The following CROCC variants were observed in gnomAD, a reference collection of about 807,000 sequenced individuals.
CROCC encodes rootletin.
CROCC carries 180 observed loss-of-function variants against 245.2 expected under a neutral mutation model. That is an observed-to-expected ratio of 0.73 (90% CI 0.65 to 0.83). The LOEUF (loss-of-function observed/expected upper bound fraction) is 0.83, where lower values mean the gene tolerates loss of function less well. Ranked by LOEUF, CROCC falls within the 40% of genes least tolerant of loss-of-function variation. The pLI is 0.00. For missense variants in CROCC, 2,688 were observed against 2,779.4 expected, an observed-to-expected ratio of 0.97 and a Z score of 0.74; for synonymous variants, 1,205 against 1,241.6, an observed-to-expected ratio of 0.97 and a Z score of 0.62.
intron 8 of CROCC, among the ~76,000 whole-genome samples, chr1:16,936,181 T>C (rs1399236792): frequency 1.3e-5 from 2 of 152,264 alleles, no homozygotes; most frequent in Admixed American, 6.5e-5. Context: ...CTCAAACTCC[T>C]GGGCTCAAGC....
intron 19 of CROCC, among the ~76,000 whole-genome samples, chr1:16,949,656 T>C (rs199970930): frequency 6.6e-6 from 1 of 152,196 alleles, no homozygotes; most frequent in Non-Finnish European, 1.5e-5. Flanking sequence ...ATCTGTTAAA[T>C]GGGGATGAGG....
chr1:16,968,114 C>T (rs2076448475), intron 30 of CROCC, 89 bp from the exon 31 acceptor site: 1 of 1,364,964 alleles, frequency 7.3e-7, no homozygotes. Context: ...GAGGCTGCTC[C>T]CCACTTTCCC....
chr1:16,933,757 G>T (rs1047692396), intron 8 of CROCC, among the ~76,000 whole-genome samples: 1 of 152,360 alleles, frequency 6.6e-6, no homozygotes, highest in East Asian at 1.9e-4. Context: ...GTAGAGATGG[G>T]GGCTTCACCA....
At chr1:16,967,378 G>A (rs2076436076) in intron 30 of CROCC, among the ~76,000 whole-genome samples, 1 of 152,178 alleles carries the variant, frequency 6.6e-6, no homozygotes, top group South Asian at 2.1e-4. Flanking sequence ...CTCTATTACT[G>A]CTTCCCCCCA....
chr1:16,955,392 C>T lies in CROCC; in HGVS notation c.3546C>T (p.Arg1182=). 1 of 1,605,274 alleles carries T rather than the reference C, an allele frequency of 6.2e-7. No individual in the cohort carries two copies. The highest frequency in any genetic ancestry group is 8.5e-7 in the Non-Finnish European group (1 of 1,179,128). Residue 1182 remains arginine (R), a synonymous_variant, in exon 24 of 37, where the codon CGC becomes CGT. Transcript: ENST00000375541. The part of the protein sequence containing the change: ...GLRRELLEAQ[R]KLRESQEGRE... ...GGCGGGAGCTGCTGGAGGCCCAGCG[C>T]AAGCTGCGTGAGAGCCAGGAGGGCC...
At chr1:16,956,997 C>T (rs777931533) in intron 25 of CROCC, among the ~76,000 whole-genome samples, 1 of 152,186 alleles carries the variant, frequency 6.6e-6, no homozygotes, top group South Asian at 2.1e-4. Context: ...CCAGGCCAGG[C>T]GCAGTGGCTC....
rs372353400 is a variant in CROCC at position 16,971,630 on chromosome 1, C to T, written c.5950C>T (p.Arg1984Cys). The change falls in exon 36 of 37, where the codon CGT (arginine) becomes TGT (cysteine). Residue 1984 changes from arginine (R) to cysteine (C), a missense_variant. Around this residue, in one of 9 missense-constraint regions of CROCC, gnomAD observed 1,218 missense variants for 1,286.3 expected, o/e 0.95. Coordinates refer to ENST00000375541, the MANE Select transcript of CROCC (RefSeq NM_014675.5). ...ARERAHRQRV[R>C]GLEEQVSTLK... ...GGAGCGGGCCCACCGCCAGAGGGTGCGTGGGCTGGAGGAGCAGGTGTGCAG... is the reference window on the plus strand; with the variant it reads ...GGAGCGGGCCCACCGCCAGAGGGTGTGTGGGCTGGAGGAGCAGGTGTGCAG... 14 of 1,502,208 alleles carry T rather than the reference C, an allele frequency of 9.3e-6. No individual in the cohort carries two copies. Among genetic ancestry groups the T allele is most frequent in the Admixed American group, 2.1e-5 (1 of 48,242 alleles). The allele number at this position is 1,502,208 out of a possible 1,614,324, so 93.1% of individuals were successfully genotyped here.
intron 8 of CROCC, among the ~76,000 whole-genome samples, chr1:16,933,912 G>C (rs1441821822): frequency 6.6e-6 from 1 of 152,280 alleles, no homozygotes; most frequent in Non-Finnish European, 1.5e-5. Context: ...AACTGGGCTA[G>C]TTGTCCTTGG....
At chr1:16,943,316 T>G (rs1302930819) in intron 13 of CROCC, among the ~76,000 whole-genome samples, 1 of 152,064 alleles carries the variant, frequency 6.6e-6, no homozygotes, top group Non-Finnish European at 1.5e-5. Flanking sequence ...GGCGGGCAGG[T>G]CATGAGGTCA....
Position 16,939,962 on chromosome 1 carries a change from CGA to C in CROCC, c.1681_1682del (p.Ser561ArgfsTer101). 6.2e-7 allele frequency: 1 copy of C among 1,612,748 alleles called. No homozygotes were observed. Among genetic ancestry groups the C allele is most frequent in the East Asian group, 2.2e-5 (1 of 44,892 alleles). On this transcript the variant is annotated frameshift_variant, in exon 13 of 37. Transcript: ENST00000375541. LOFTEE classifies it high-confidence loss of function. ...CCCTGCGGAAGCAGCTTAGCGACAG[CGA>C]GAGCGAGCGGCGGGCCCTAGAGGAA... ...GTLRKQLSDS[E>X]SERRALEEQL...
chr1:16,936,918 A>C, intron 9 of CROCC, 45 bp downstream of exon 9: 1 of 1,557,292 alleles, frequency 6.4e-7, no homozygotes, highest in Non-Finnish European at 8.8e-7. Flanking sequence ...TCCCTGCAGA[A>C]GGTAAAACTG....
At chr1:16,948,199 C>T (rs1327311203) in intron 17 of CROCC, 132 bp from the exon 18 acceptor site, 11 of 1,408,062 alleles carry the variant, frequency 7.8e-6, no homozygotes, top group African/African-American at 1.4e-5. Flanking sequence ...GTACATGTAG[C>T]ACATCAGGGC....
intron 3 of CROCC, among the ~76,000 whole-genome samples, chr1:16,928,305 C>A (rs1414700201): frequency 3.3e-5 from 5 of 152,260 alleles, no homozygotes; most frequent in African/African-American, 1.2e-4. Context: ...CACCTCCCTT[C>A]CCCCAACAGC....
At chr1:16,922,193 G>A in intron 1 of CROCC, 115 bp downstream of exon 1, 1 of 1,146,428 alleles carries the variant, frequency 8.7e-7, no homozygotes, top group Non-Finnish European at 1.2e-6. Flanking sequence ...TGTGGTGGTG[G>A]TGGGGTATAC....
chr1:16,955,334 T>A lies in CROCC; in HGVS notation c.3488T>A (p.Leu1163Gln), dbSNP rs1290421413. 1 of 1,608,284 alleles carries A rather than the reference T, an allele frequency of 6.2e-7. No homozygotes were observed. The highest frequency in any genetic ancestry group is 1.7e-5 in the Admixed American group (1 of 59,992). Residue 1163 changes from leucine (L) to glutamine (Q), a missense_variant, in exon 24 of 37, where the codon CTG (leucine) becomes CAG (glutamine). By Grantham distance (113) the Leu-to-Gln change is moderately radical (BLOSUM62 -2). This residue lies in a region of CROCC where 1,218 missense variants were observed against 1,286.3 expected (regional missense o/e 0.95). Transcript: ENST00000375541. Reference protein sequence around the residue: ...LREAEELRTQLRLLEDARDGL... With the variant: ...LREAEELRTQQRLLEDARDGL... ...CAGGCAGAAGAGCTTCGGACCCAGC[T>A]GCGTCTGCTGGAGGATGCCCGTGAC...
At chr1:16,925,792 G>A (rs1455846171) in intron 3 of CROCC, among the ~76,000 whole-genome samples, 1 of 152,282 alleles carries the variant, frequency 6.6e-6, no homozygotes, top group African/African-American at 2.4e-5. Context: ...GAGCAGAGTA[G>A]GCGGCCCGCA....
Position 16,946,946 on chromosome 1 carries a change from C to A in CROCC, c.2469C>A (p.Pro823=). ...QAQEALEQQL[P]TLRHERSQLQ... ...AGGAGGCATTGGAGCAGCAGCTCCC[C>A]ACGCTGCGCCATGAGCGCAGCCAGC... The change falls in exon 17 of 37, where the codon CCC becomes CCA. Residue 823 remains proline (P), a synonymous_variant. Coordinates refer to ENST00000375541, the MANE Select transcript of CROCC (RefSeq NM_014675.5). 3 of 1,559,966 alleles carry A rather than the reference C, an allele frequency of 1.9e-6. No homozygotes were observed. The South Asian group carries it at 3.5e-5, about 18-fold the overall frequency.
chr1:16,954,502 C>T lies in CROCC; in HGVS notation c.3321+145C>T, dbSNP rs2100501443. The T allele has an allele frequency of 7.9e-7, 1 of 1,269,276 alleles. No homozygotes were observed. Among genetic ancestry groups the T allele is most frequent in the Non-Finnish European group, 1.1e-6 (1 of 935,586 alleles). 78.6% of individuals were successfully genotyped at this position (1,269,276 alleles called of 1,614,324 possible). ...AGGTTTAGCCCTTCTTTTGGGAGCC[C>T]CCATCTGAGGGAGGTGGCTCAGCCC... On this transcript the variant is annotated intron_variant, in intron 22 of 36. Transcript: ENST00000375541. This position sits in a 1 kb window ranked among gnomAD's most constrained non-coding sequence, Gnocchi z 4.4.
chr1:16,922,860 C>T, intron 2 of CROCC, 62 bp downstream of exon 2: 1 of 1,567,054 alleles, frequency 6.4e-7, no homozygotes. Flanking sequence ...TCTCATGTCC[C>T]TTTCCTGAGC....
Sources: allele counts gnomAD v4.1 joint callset (sites outside exome capture counted in the v4.1 genomes callset), GRCh38; gene constraint gnomAD v4.1.1; regional missense constraint gnomAD v4.1.1; non-coding constraint Gnocchi (gnomAD v3.1); transcripts MANE v1.5; gene names NCBI Gene and HGNC (gene_info 2026-07-23, HGNC 2026-07-21).